Variants in USP28 observed in about 807,000 individuals in gnomAD.
USP28 encodes ubiquitin specific peptidase 28, also known as ubiquitin carboxyl-terminal hydrolase 28.
USP28 carries 113 observed loss-of-function variants against 145.0 expected under a neutral mutation model. The ratio of observed to expected loss-of-function variants is 0.78; its 90% CI spans 0.67 to 0.91. The LOEUF is 0.91. USP28 is among the 40% of genes least tolerant of loss of function. The probability of loss-of-function intolerance (pLI) is 0.00; values close to 1 mark genes in which losing one functional copy is unlikely to be tolerated. For synonymous variants in USP28, 447 were observed against 450.9 expected (o/e 0.99, Z 0.11); for missense variants, 1,201 against 1,289.6 (o/e 0.93, Z 1.05).
chr11:113,804,998 G>A lies in USP28; in HGVS notation c.2449C>T (p.Pro817Ser), dbSNP rs1398623546. ...AGTCGAGGATCACTGTGAGAGGTGG[G>A]GGTCTCTTTGGCAAGCTGATAGAGC... Residue 817 changes from proline (P) to serine (S), a missense_variant, in exon 20 of 25, where the codon CCC (proline) becomes TCC (serine). Pro to Ser is a moderately conservative substitution (Grantham distance 74). Coordinates refer to ENST00000003302, the Ensembl canonical transcript of USP28. 10 of 1,613,986 alleles carry A rather than the reference G, an allele frequency of 6.2e-6. No individual in the cohort carries two copies. The Admixed American group carries it at 8.3e-5, about 13-fold the overall frequency.
chr11:113,864,972 G>T (rs1301931028), intron 1 of USP28, among the ~76,000 whole-genome samples: 2 of 152,054 alleles, frequency 1.3e-5, no homozygotes, highest in Non-Finnish European at 2.9e-5. Context: ...AAGTAGGTGG[G>T]AACACAGATG....
In USP28 at chr11:113,846,491, T is replaced by C. The variant is rs147510863; in HGVS notation, c.269-4723A>G. Among the ~76,000 whole-genome samples the C allele has an allele frequency of 1.7e-4, 26 of 152,292 alleles. No individual in the cohort carries two copies. The East Asian group carries it at 4.6e-3, about 27-fold the overall frequency. The stretch of plus-strand genomic sequence containing the variant: ...AAATTCATAGAAACAGAAAACAGAA[T>C]GGTAGTTACCAGGGGCTGGGTATGG... On this transcript the variant is annotated intron_variant, in intron 3 of 24. Coordinates refer to ENST00000003302, the Ensembl canonical transcript of USP28.
Position 113,806,508 on chromosome 11 carries a change from G to A in USP28, c.2381C>T (p.Ser794Phe), listed in dbSNP as rs139463252. Reference sequence around the variant, plus strand: ...AGATACCTTAATCAGCCCTGCTTCAGACCCATCTCGGTCAAAGGTCTGACG... The same window carrying A: ...AGATACCTTAATCAGCCCTGCTTCAAACCCATCTCGGTCAAAGGTCTGACG... The change falls in exon 19 of 25, where the codon TCT becomes TTT. Residue 794 changes from serine to phenylalanine, a missense_variant. Transcript: ENST00000003302. 3.4e-5 allele frequency: 55 copies of A among 1,612,064 alleles called. No individual in the cohort carries two copies. Among genetic ancestry groups the A allele is most frequent in the African/African-American group, 2.1e-4 (16 of 74,714 alleles).
intron 3 of USP28, among the ~76,000 whole-genome samples, chr11:113,845,102 A>G (rs1213671940): frequency 4.7e-5 from 7 of 148,842 alleles, no homozygotes; most frequent in Admixed American, 1.3e-4. Flanking sequence ...CCTGGGTAAC[A>G]GTGAGACCCT....
At chr11:113,857,171 A>T (rs1442607457) in intron 1 of USP28, among the ~76,000 whole-genome samples, 3 of 152,196 alleles carry the variant, frequency 2.0e-5, no homozygotes, top group African/African-American at 7.2e-5. Flanking sequence ...TTTTTCATTT[A>T]TGTTGAGGAA....
At chr11:113,872,643 T>C (rs1948938419) in intron 1 of USP28, among the ~76,000 whole-genome samples, 1 of 152,198 alleles carries the variant, frequency 6.6e-6, no homozygotes, top group African/African-American at 2.4e-5. Flanking sequence ...CATTAAATTT[T>C]CACTGAAACT....
At chr11:113,840,610 A>C (rs1945087685) in exon 5 of USP28, 1 of 1,613,936 alleles carries the variant, frequency 6.2e-7, no homozygotes, top group Admixed American at 1.7e-5. Flanking sequence ...GAATAACAGC[A>C]CTAAACCAAC....
At position 113,803,114 on chromosome 11, in the gene USP28, G is replaced by C. The variant is rs1332112513; in HGVS notation, c.2862+44C>G. ...TATTTTCCTGGCTTCAAGGAGCAGA[G>C]GTAAACAACAAAAAAACCTTAAGGC... On this transcript the variant is annotated intron_variant, in intron 23 of 24. Transcript: ENST00000003302. 2.5e-6 allele frequency: 4 copies of C among 1,577,024 alleles called. No individual in the cohort carries two copies. In the East Asian group the frequency reaches 6.9e-5, roughly 27 times the overall value.
At chr11:113,874,413 A>G in intron 1 of USP28, 1 of 1,037,696 alleles carries the variant, frequency 9.6e-7, no homozygotes, top group Non-Finnish European at 1.2e-6. Flanking sequence ...CAACAGAGGG[A>G]GACTCTGTCG....
In USP28 at chr11:113,812,275, C is replaced by T. The variant is rs866494418; in HGVS notation, c.1972+1G>A. 1.2e-6 allele frequency: 2 copies of T among 1,610,538 alleles called. No homozygotes were observed. The highest frequency in any genetic ancestry group is 1.7e-6 in the Non-Finnish European group (2 of 1,178,522). ...TATAGATTCTGCCAAGATACTTTTA[C>T]CTGCATTGAAGTAGGGTAGTTTGTC... On this transcript the variant is annotated splice_donor_variant, in intron 16 of 24. Transcript: ENST00000003302. LOFTEE classifies it high-confidence loss of function.
At chr11:113,849,200 C>A (rs925108209) in intron 3 of USP28, among the ~76,000 whole-genome samples, 3 of 152,166 alleles carry the variant, frequency 2.0e-5, no homozygotes, top group Non-Finnish European at 2.9e-5. Flanking sequence ...CAGAAAGCCT[C>A]TTTTCCCCTA....
intron 3 of USP28, among the ~76,000 whole-genome samples, chr11:113,844,337 A>G (rs913285064): frequency 6.6e-6 from 1 of 152,000 alleles, no homozygotes; most frequent in Non-Finnish European, 1.5e-5. Context: ...GCTACTCGGG[A>G]GGCTGGGGCA....
chr11:113,857,763 C>G (rs879383142), intron 1 of USP28, among the ~76,000 whole-genome samples: 2 of 152,066 alleles, frequency 1.3e-5, no homozygotes, highest in African/African-American at 2.4e-5. Flanking sequence ...GTCAGTTACA[C>G]TGTAATATTA....
At chr11:113,830,659 T>C (rs954399692) in intron 9 of USP28, among the ~76,000 whole-genome samples, 1 of 152,220 alleles carries the variant, frequency 6.6e-6, no homozygotes, top group Admixed American at 6.5e-5. Flanking sequence ...GAGATAAAGA[T>C]TGTGCACATT....
chr11:113,850,133 G>A (rs1946300796), intron 3 of USP28, among the ~76,000 whole-genome samples: 1 of 151,922 alleles, frequency 6.6e-6, no homozygotes, highest in African/African-American at 2.4e-5. Context: ...TGAGAGCAAT[G>A]GTTACTCTCA....
intron 5 of USP28, among the ~76,000 whole-genome samples, chr11:113,838,029 A>C (rs1944762846): frequency 6.6e-6 from 1 of 151,674 alleles, no homozygotes; most frequent in Non-Finnish European, 1.5e-5. Flanking sequence ...CTTCAACTCT[A>C]ATTTGCAGTT....
intron 1 of USP28, among the ~76,000 whole-genome samples, chr11:113,867,013 A>G (rs1489423599): frequency 1.3e-5 from 2 of 152,234 alleles, no homozygotes; most frequent in South Asian, 4.1e-4. Flanking sequence ...CAAAAACATT[A>G]CAATAAACGA....
At chr11:113,817,967 T>C (rs571491570) in intron 12 of USP28, 130 bp from the exon 13 acceptor site, 4 of 931,020 alleles carry the variant, frequency 4.3e-6, no homozygotes, top group Admixed American at 2.7e-5. Context: ...CAATATTTAA[T>C]AGGGTCCTCA....
intron 11 of USP28, among the ~76,000 whole-genome samples, chr11:113,826,257 T>G: frequency 8.9e-6 from 1 of 112,812 alleles, no homozygotes; most frequent in Non-Finnish European, 1.7e-5. Flanking sequence ...CATTCCAGCC[T>G]GGGCAACAGA....
Sources: gnomAD v4.1 joint callset for allele counts (sites outside exome capture counted in the v4.1 genomes callset) on GRCh38, gnomAD v4.1.1 for gene constraint, MANE v1.5 for transcripts, NCBI Gene and HGNC (gene_info 2026-07-23, HGNC 2026-07-21) for gene names.